PCDHGA12: variants seen among roughly 807,000 people sequenced by gnomAD.
The protein encoded by PCDHGA12 is protocadherin gamma subfamily A, 12, also known as protocadherin gamma-A12.
PCDHGA12 carries 43 observed loss-of-function variants against 61.1 expected under a neutral mutation model. The ratio of observed to expected loss-of-function variants is 0.70; its 90% CI spans 0.55 to 0.91. The LOEUF is 0.91. Ranked by LOEUF, PCDHGA12 falls within the 40% of genes least tolerant of loss-of-function variation. The pLI, the probability that PCDHGA12 is intolerant of heterozygous loss-of-function variation, is 0.00. For synonymous variants in PCDHGA12, 520 were observed against 542.9 expected, an observed-to-expected ratio of 0.96 and a Z score of 0.59; for missense variants, 1,236 against 1,227.7, an observed-to-expected ratio of 1.01 and a Z score of -0.10.
chr5:141,461,961 T>C (rs914134151), intron 1 of PCDHGA12, among the ~76,000 whole-genome samples: 3 of 152,192 alleles, frequency 2.0e-5, no homozygotes, highest in African/African-American at 7.2e-5. Context: ...GTAGCTGGGA[T>C]TCCAGGCATA....
In PCDHGA12 at chr5:141,486,836, G is replaced by C; in HGVS notation, c.2425-7971G>C. On this transcript the variant is annotated intron_variant, in intron 1 of 3. Coordinates refer to ENST00000252085, the MANE Select transcript of PCDHGA12 (RefSeq NM_003735.3). This position sits in a 1 kb window ranked among gnomAD's most constrained non-coding sequence, Gnocchi z 5.0. ...CAGCACTGTAACAGTTCGTCTATTT[G>C]TGCTGGACCTCAATGACAATGCTCC... 1 of 1,614,242 alleles carries C rather than the reference G, an allele frequency of 6.2e-7. No individual in the cohort carries two copies. The highest frequency in any genetic ancestry group is 8.5e-7 in the Non-Finnish European group (1 of 1,180,046).
intron 1 of PCDHGA12, among the ~76,000 whole-genome samples, chr5:141,450,829 A>ATTATTT (rs1554136902): frequency 7.4e-6 from 1 of 135,144 alleles, no homozygotes; most frequent in Admixed American, 7.6e-5. Context: ...TATTATTATT[A>ATTATTT]TTTTTTTTTT....
intron 1 of PCDHGA12, among the ~76,000 whole-genome samples, chr5:141,474,379 T>A (rs1451968368): frequency 6.6e-6 from 1 of 152,208 alleles, no homozygotes; most frequent in Non-Finnish European, 1.5e-5. Flanking sequence ...GAGGAGGGCA[T>A]TTCTGCATTT....
Position 141,470,128 on chromosome 5 carries a change from CA to C in PCDHGA12, c.2425-24670del, listed in dbSNP as rs200356364. Among the ~76,000 whole-genome samples, 62 of 150,148 alleles carry C rather than the reference CA, an allele frequency of 4.1e-4. 1 individual carries two copies. Among genetic ancestry groups the C allele is most frequent in the Middle Eastern group, 3.4e-3 (1 of 294 alleles). On this transcript the variant is annotated intron_variant, in intron 1 of 3. Coordinates refer to ENST00000252085, the MANE Select transcript of PCDHGA12 (RefSeq NM_003735.3). ...TGAGCAACAGAGCAAGACTTCGTCTCAAAAAAAAAGATCATAGATCATCTTA... is the reference window on the plus strand; with the variant it reads ...TGAGCAACAGAGCAAGACTTCGTCTCAAAAAAAAGATCATAGATCATCTTA...
chr5:141,511,537 A>C lies in PCDHGA12; in HGVS notation c.*364A>C. 6.3e-6 allele frequency: 2 copies of C among 319,254 alleles called. No individual in the cohort carries two copies. The highest frequency in any genetic ancestry group is 6.7e-5 in the South Asian group (2 of 29,854). 19.8% of individuals were successfully genotyped at this position (319,254 alleles called of 1,614,324 possible). A position where few individuals can be genotyped will look rare whatever the true frequency, so the allele number is the denominator to read the frequency against. On this transcript the variant is annotated 3_prime_UTR_variant, in exon 4 of 4. Transcript: ENST00000252085. ...TCCATCCCATGCCTCCCTCCTCCCC[A>C]CCCCACTCCAACAGTTCCTCTTTCC... is the stretch of plus-strand genomic sequence containing the variant.
rs747671382 is a variant in PCDHGA12 at position 141,444,152 on chromosome 5, A to ATTTTTT, written c.2424+11000_2424+11005dup. ...GATATGTGTCACTTGTGTGTACTGG[A>ATTTTTT]TTTTTTTTTTTTTTTTTTTTTTTTT... On this transcript the variant is annotated intron_variant, in intron 1 of 3. Coordinates refer to ENST00000252085, the MANE Select transcript of PCDHGA12 (RefSeq NM_003735.3). Among the ~76,000 whole-genome samples the ATTTTTT allele has an allele frequency of 3.5e-4, 12 of 33,898 alleles. 1 individual carries two copies. Among genetic ancestry groups the ATTTTTT allele is most frequent in the African/African-American group, 4.2e-4 (3 of 7,184 alleles). The allele number at this position is 33,898 out of a possible 152,430, so 22.2% of individuals were successfully genotyped here.
Position 141,485,369 on chromosome 5 carries a change from G to T in PCDHGA12, c.2425-9438G>T. On this transcript the variant is annotated intron_variant, in intron 1 of 3. Transcript: ENST00000252085. This position sits in a 1 kb window ranked among gnomAD's most constrained non-coding sequence, Gnocchi z 5.7. ...CAGTCTGTCAGCTCGCAGGCTGCAG[G>T]TCGCTGGAGAGGTGAACCAAAGACA... 1 of 1,614,154 alleles carries T rather than the reference G, an allele frequency of 6.2e-7. No individual in the cohort carries two copies. The highest frequency in any genetic ancestry group is 1.1e-5 in the South Asian group (1 of 91,088).
In PCDHGA12 at chr5:141,486,001, C is replaced by T. The variant is rs771993915; in HGVS notation, c.2425-8806C>T. ...ACCCGGACCTGGGTCCCAGTGGTAA[C>T]GTCACCTTTTATTTCAGTGGTCATA... On this transcript the variant is annotated intron_variant, in intron 1 of 3. Coordinates refer to ENST00000252085, the MANE Select transcript of PCDHGA12 (RefSeq NM_003735.3). This position sits in a 1 kb window ranked among gnomAD's most constrained non-coding sequence, Gnocchi z 5.0. The T allele has an allele frequency of 2.5e-6, 4 of 1,614,076 alleles. No homozygotes were observed. The highest frequency in any genetic ancestry group is 8.5e-7 in the Non-Finnish European group (1 of 1,180,032).
chr5:141,477,568 C>G lies in PCDHGA12; in HGVS notation c.2425-17239C>G. 1 of 1,614,172 alleles carries G rather than the reference C, an allele frequency of 6.2e-7. No individual in the cohort carries two copies. Among genetic ancestry groups the G allele is most frequent in the Non-Finnish European group, 8.5e-7 (1 of 1,180,044 alleles). On this transcript the variant is annotated intron_variant, in intron 1 of 3. Coordinates refer to ENST00000252085, the MANE Select transcript of PCDHGA12 (RefSeq NM_003735.3). The surrounding 1 kb of genome is among the most constrained non-coding windows in gnomAD (Gnocchi z 4.9). ...TACTAAACCTAAGTGTCTGGGACCC[C>G]GACGCCCCGCAGAATGCTCGGCTTT...
intron 1 of PCDHGA12, among the ~76,000 whole-genome samples, chr5:141,437,723 G>A (rs2097904411): frequency 6.6e-6 from 1 of 150,736 alleles, no homozygotes; most frequent in South Asian, 2.1e-4. Context: ...ACCCTCTAAT[G>A]TTACACTTTG....
At position 141,430,980 on chromosome 5, in the gene PCDHGA12, T is replaced by C; in HGVS notation, c.221T>C (p.Leu74Pro). The C allele has an allele frequency of 6.2e-7, 1 of 1,613,618 alleles. No individual in the cohort carries two copies. The highest frequency in any genetic ancestry group is 1.3e-5 in the African/African-American group (1 of 74,974). Residue 74 changes from leucine to proline, a missense_variant, in exon 1 of 4, where the codon CTT becomes CCT. By Grantham distance (98) the Leu-to-Pro change is moderately conservative (BLOSUM62 -3). Coordinates refer to ENST00000252085, the MANE Select transcript of PCDHGA12 (RefSeq NM_003735.3). ...VRIIPRGRTQ[L>P]FALNPRSGSL... Reference sequence around the variant, plus strand: ...ATCATCCCCAGAGGTAGGACGCAGCTTTTCGCCCTGAATCCGCGCAGCGGC... The same window carrying C: ...ATCATCCCCAGAGGTAGGACGCAGCCTTTCGCCCTGAATCCGCGCAGCGGC...
At position 141,486,455 on chromosome 5, in the gene PCDHGA12, T is replaced by G; in HGVS notation, c.2425-8352T>G. On this transcript the variant is annotated intron_variant, in intron 1 of 3. Transcript: ENST00000252085. This position sits in a 1 kb window ranked among gnomAD's most constrained non-coding sequence, Gnocchi z 5.0. Reference sequence around the variant, plus strand: ...TAGCTATGACATCATGGTCACTGCTTCTGATGCTGGGAACCCTCCTCTCAG... The same window carrying G: ...TAGCTATGACATCATGGTCACTGCTGCTGATGCTGGGAACCCTCCTCTCAG... 6.2e-7 allele frequency: 1 copy of G among 1,614,066 alleles called. No homozygotes were observed. Among genetic ancestry groups the G allele is most frequent in the Non-Finnish European group, 8.5e-7 (1 of 1,179,892 alleles).
Position 141,486,344 on chromosome 5 carries a change from G to C in PCDHGA12, c.2425-8463G>C. 6.2e-7 allele frequency: 1 copy of C among 1,614,062 alleles called. No homozygotes were observed. The highest frequency in any genetic ancestry group is 8.5e-7 in the Non-Finnish European group (1 of 1,180,022). On this transcript the variant is annotated intron_variant, in intron 1 of 3. Transcript: ENST00000252085. The surrounding 1 kb of genome is among the most constrained non-coding windows in gnomAD (Gnocchi z 5.0). Reference sequence around the variant, plus strand: ...CGGAGATGTGAGCCTCCGCATTCCTGACCACTTGCCATTTGCCCTCAAGTC... The same window carrying C: ...CGGAGATGTGAGCCTCCGCATTCCTCACCACTTGCCATTTGCCCTCAAGTC...
At position 141,476,418 on chromosome 5, in the gene PCDHGA12, T is replaced by C. The variant is rs201255025; in HGVS notation, c.2425-18389T>C. On this transcript the variant is annotated intron_variant, in intron 1 of 3. Transcript: ENST00000252085. This position sits in a 1 kb window ranked among gnomAD's most constrained non-coding sequence, Gnocchi z 7.6. The stretch of plus-strand genomic sequence containing the variant: ...GATCGAGAGGAGCTGTGTGGGACAC[T>C]GCCCTCTTGCACTGTAACTCTGGAG... 6.2e-7 allele frequency: 1 copy of C among 1,614,122 alleles called. No individual in the cohort carries two copies. Among genetic ancestry groups the C allele is most frequent in the Non-Finnish European group, 8.5e-7 (1 of 1,180,002 alleles).
Position 141,431,041 on chromosome 5 carries a change from G to C in PCDHGA12, c.282G>C (p.Glu94Asp), listed in dbSNP as rs2097339173. Residue 94 changes from glutamate (E) to aspartate (D), a missense_variant, in exon 1 of 4, where the codon GAG becomes GAC. By Grantham distance (45) the Glu-to-Asp change is conservative. Coordinates refer to ENST00000252085, the MANE Select transcript of PCDHGA12 (RefSeq NM_003735.3). The surrounding 1 kb of genome is among the most constrained non-coding windows in gnomAD (Gnocchi z 4.8). ...LVTAGRIDRE[E>D]LCMGAIKCQL... is the part of the protein sequence containing the mutation. ...CGGCGGGCAGGATAGACCGGGAGGA[G>C]CTCTGTATGGGGGCCATCAAGTGTC... The C allele has an allele frequency of 6.2e-7, 1 of 1,614,116 alleles. No homozygotes were observed. Among genetic ancestry groups the C allele is most frequent in the Non-Finnish European group, 8.5e-7 (1 of 1,180,046 alleles).
At chr5:141,460,368 G>A (rs1005554535) in intron 1 of PCDHGA12, among the ~76,000 whole-genome samples, 1 of 152,050 alleles carries the variant, frequency 6.6e-6, no homozygotes. Context: ...AAGTTTTATA[G>A]TTTTACCATT....
intron 1 of PCDHGA12, among the ~76,000 whole-genome samples, chr5:141,444,558 T>C (rs2098440789): frequency 6.6e-6 from 1 of 152,190 alleles, no homozygotes; most frequent in African/African-American, 2.4e-5. Context: ...AAGGCACTTA[T>C]TTGACACTTT....
rs186292704 is a variant in PCDHGA12 at position 141,490,783 on chromosome 5, C to T, written c.2425-4024C>T. ...TGTGTATGTCAACCCAGAGGATGGA[C>T]GGATCTTTGCCCAGCGTACCTTTGA... On this transcript the variant is annotated intron_variant, in intron 1 of 3. Transcript: ENST00000252085. The surrounding 1 kb of genome is among the most constrained non-coding windows in gnomAD (Gnocchi z 5.4). The T allele has an allele frequency of 8.1e-6, 13 of 1,614,024 alleles. 1 individual carries two copies. Among genetic ancestry groups the T allele is most frequent in the Middle Eastern group, 3.3e-4 (2 of 6,062 alleles).
chr5:141,490,936 C>T lies in PCDHGA12; in HGVS notation c.2425-3871C>T. 6.2e-7 allele frequency: 1 copy of T among 1,613,694 alleles called. No individual in the cohort carries two copies. On this transcript the variant is annotated intron_variant, in intron 1 of 3. Transcript: ENST00000252085. The surrounding 1 kb of genome is among the most constrained non-coding windows in gnomAD (Gnocchi z 5.4). ...GAATGATAATGCCCCAGCTGTGCTG[C>T]ACCCACGGCCAGACTGGGAACACTC...
Sources: gnomAD v4.1 joint callset for allele counts (sites outside exome capture counted in the v4.1 genomes callset) on GRCh38, gnomAD v4.1.1 for gene constraint, Gnocchi (gnomAD v3.1) non-coding constraint, MANE v1.5 for transcripts, NCBI Gene and HGNC (gene_info 2026-07-23, HGNC 2026-07-21) for gene names.